Variants in SLC4A5 observed in about 807,000 individuals in gnomAD.
SLC4A5 encodes the protein solute carrier family 4 member 5, also known as electrogenic sodium bicarbonate cotransporter 4.
Under a neutral mutation model 120.4 loss-of-function variants are expected in SLC4A5, and 96 were observed. The observed-to-expected ratio is 0.80, with a 90% CI of 0.68 to 0.94. The LOEUF (loss-of-function observed/expected upper bound fraction) is 0.94. SLC4A5 is among the 40% of genes least tolerant of loss of function. The pLI is 0.00. For missense variants in SLC4A5, 1,259 were observed against 1,459.5 expected, an observed-to-expected ratio of 0.86 and a Z score of 2.24; for synonymous variants, 550 against 571.1, an observed-to-expected ratio of 0.96 and a Z score of 0.53.
chr2:74,238,087 G>A (rs2103937455), intron 21 of SLC4A5, among the ~76,000 whole-genome samples: 1 of 152,174 alleles, frequency 6.6e-6, no homozygotes, highest in South Asian at 2.1e-4. Context: ...GGGTGACAGA[G>A]TGAGACTCTG....
chr2:74,291,328 G>A (rs187944156), intron 7 of SLC4A5, among the ~76,000 whole-genome samples: 36 of 152,338 alleles, frequency 2.4e-4, no homozygotes, highest in Non-Finnish European at 4.3e-4. Context: ...TGCTTACTGA[G>A]TACTTAGAAT....
intron 6 of SLC4A5, among the ~76,000 whole-genome samples, chr2:74,314,217 T>C (rs1480478526): frequency 6.6e-6 from 1 of 152,208 alleles, no homozygotes; most frequent in Admixed American, 6.5e-5. Context: ...GCTGGTGAAC[T>C]GTGGGGAGTG....
chr2:74,341,791 G>T (rs1673632741), intron 2 of SLC4A5, among the ~76,000 whole-genome samples: 2 of 152,234 alleles, frequency 1.3e-5, no homozygotes. Flanking sequence ...AAATGAAGTA[G>T]GCATGGATGG....
At chr2:74,234,875 C>T (rs1301250033) in intron 22 of SLC4A5, among the ~76,000 whole-genome samples, 1 of 152,212 alleles carries the variant, frequency 6.6e-6, no homozygotes, top group African/African-American at 2.4e-5. Context: ...GTGCCTTCCT[C>T]ACCTCGTGAC....
intron 12 of SLC4A5, among the ~76,000 whole-genome samples, chr2:74,259,267 G>T (rs79494669): frequency 0.013 from 1,984 of 152,296 alleles, 44 homozygotes; most frequent in African/African-American, 0.046. Context: ...GTGGATCACA[G>T]GATAGATGAA....
At chr2:74,256,437 C>T (rs577775762) in intron 12 of SLC4A5, among the ~76,000 whole-genome samples, 178 of 152,344 alleles carry the variant, frequency 1.2e-3, no homozygotes, top group Middle Eastern at 6.8e-3. Context: ...CACAGGAATT[C>T]CTGGACCAGT....
In SLC4A5 at chr2:74,221,065, G is replaced by A. The variant is rs191191938; in HGVS notation, c.*33+369C>T. ...TCACCATGTTAGCCAGGATGGTCTC[G>A]ATCTCCTGACCTCGTGATCCACCCG... On this transcript the variant is annotated intron_variant, in intron 30 of 30. Coordinates refer to ENST00000394019, the Ensembl canonical transcript of SLC4A5. Among the ~76,000 whole-genome samples, 19 of 150,066 alleles carry A rather than the reference G, an allele frequency of 1.3e-4. No individual in the cohort carries two copies. In the South Asian group the frequency reaches 1.9e-3, roughly 15 times the overall value.
chr2:74,265,172 A>T (rs1186284653), exon 9 of SLC4A5: 1 of 1,614,200 alleles, frequency 6.2e-7, no homozygotes. Flanking sequence ...GCAGGTACGG[A>T]GCTCGAAGAG....
intron 22 of SLC4A5, among the ~76,000 whole-genome samples, chr2:74,233,891 G>A (rs1267147460): frequency 6.6e-6 from 1 of 152,196 alleles, no homozygotes; most frequent in Non-Finnish European, 1.5e-5. Context: ...CAGCAGGAAT[G>A]AGGCCCAGCA....
At chr2:74,250,495 C>T in exon 17 of SLC4A5, 1 of 1,614,170 alleles carries the variant, frequency 6.2e-7, no homozygotes, top group Non-Finnish European at 8.5e-7. Flanking sequence ...CTCTTGATAT[C>T]CAGACACAGG....
chr2:74,285,871 G>T, exon 8 of SLC4A5: 1 of 1,611,058 alleles, frequency 6.2e-7, no homozygotes. Context: ...CCTCCCCCAG[G>T]ATGTCCTGGA....
chr2:74,298,033 C>A lies in SLC4A5; in HGVS notation c.271+6456G>T, dbSNP rs185878239. On this transcript the variant is annotated intron_variant, in intron 7 of 30. Transcript: ENST00000394019. ...AGTCAATAGATCTGTTTTTATTTCC[C>A]ACATTCACTGATTAACATCTGCATT... is the stretch of plus-strand genomic sequence containing the variant. 7.9e-5 allele frequency among the ~76,000 whole-genome samples: 12 copies of A among 152,286 alleles called. No individual in the cohort carries two copies. The East Asian group carries it at 2.3e-3, about 29-fold the overall frequency.
chr2:74,287,562 T>C (rs1234655976), intron 7 of SLC4A5, among the ~76,000 whole-genome samples: 1 of 152,130 alleles, frequency 6.6e-6, no homozygotes, highest in Non-Finnish European at 1.5e-5. Context: ...AGCCCCACTG[T>C]AAGGGTTTCC....
chr2:74,242,953 C>T (rs576644700), intron 19 of SLC4A5, among the ~76,000 whole-genome samples: 2 of 152,310 alleles, frequency 1.3e-5, no homozygotes, highest in Admixed American at 1.3e-4. Flanking sequence ...TGCACCCAGC[C>T]CATATGTGCT....
chr2:74,331,676 G>T (rs1265015276), intron 4 of SLC4A5, among the ~76,000 whole-genome samples: 1 of 151,858 alleles, frequency 6.6e-6, no homozygotes, highest in African/African-American at 2.4e-5. Flanking sequence ...CTATTAAATG[G>T]CATTTGTCAG....
Position 74,254,816 on chromosome 2 carries a change from CATT to C in SLC4A5, c.1026-113_1026-111del. On this transcript the variant is annotated intron_variant, in intron 13 of 30. Transcript: ENST00000394019. ...GAATTCTCTGGCCCTGAACAGTATGCATTTTTTTTTTTTTTTTGAGACAGGGTC... is the reference window on the plus strand; with the variant it reads ...GAATTCTCTGGCCCTGAACAGTATGCTTTTTTTTTTTTTTGAGACAGGGTC... 3 of 733,108 alleles carry C rather than the reference CATT, an allele frequency of 4.1e-6. No homozygotes were observed. The South Asian group carries it at 5.2e-5, about 13-fold the overall frequency. 45.4% of individuals were successfully genotyped at this position (733,108 alleles called of 1,614,324 possible). A position where few individuals can be genotyped will look rare whatever the true frequency, so the allele number is the denominator to read the frequency against.
intron 2 of SLC4A5, among the ~76,000 whole-genome samples, chr2:74,341,465 A>G (rs1207287509): frequency 6.6e-6 from 1 of 152,110 alleles, no homozygotes; most frequent in African/African-American, 2.4e-5. Flanking sequence ...CTTGTATCTG[A>G]CTTTGGATTT....
At chr2:74,321,620 T>C (rs1047012999) in intron 5 of SLC4A5, among the ~76,000 whole-genome samples, 12 of 151,994 alleles carry the variant, frequency 7.9e-5, no homozygotes, top group African/African-American at 2.7e-4. Context: ...AAGTAAGTTT[T>C]TACTGGGAAA....
At chr2:74,223,884 G>C (rs1694748385) in intron 28 of SLC4A5, among the ~76,000 whole-genome samples, 1 of 152,184 alleles carries the variant, frequency 6.6e-6, no homozygotes, top group South Asian at 2.1e-4. Context: ...CCAGTCAGAA[G>C]GGATTTGCCT....
Sources: gnomAD v4.1 joint callset for allele counts (sites outside exome capture counted in the v4.1 genomes callset) on GRCh38, gnomAD v4.1.1 for gene constraint, MANE v1.5 for transcripts, NCBI Gene and HGNC (gene_info 2026-07-23, HGNC 2026-07-21) for gene names.